Variants in ERBB4 observed in about 807,000 individuals in gnomAD.
The protein encoded by ERBB4 is erb-b2 receptor tyrosine kinase 4.
In ERBB4, 42 loss-of-function variants were observed where a neutral mutation model predicts 158.0. That is an observed-to-expected ratio of 0.27 (90% CI 0.21 to 0.34). The LOEUF is 0.34. ERBB4 is among the 10% of genes least tolerant of loss of function. The pLI, the probability that ERBB4 is intolerant of heterozygous loss-of-function variation, is 1.00. For missense variants in ERBB4, 1,333 were observed against 1,624.1 expected, an observed-to-expected ratio of 0.82 and a Z score of 3.08; for synonymous variants, 583 against 558.7, an observed-to-expected ratio of 1.04 and a Z score of -0.61.
At chr2:212,115,991 T>C (rs2079560037) in intron 2 of ERBB4, among the ~76,000 whole-genome samples, 1 of 152,122 alleles carries the variant, frequency 6.6e-6, no homozygotes, top group Non-Finnish European at 1.5e-5. Flanking sequence ...GGAAACTGCT[T>C]TGCAATTAGG....
Position 211,612,581 on chromosome 2 carries a change from T to A in ERBB4, c.2301+6596A>T, listed in dbSNP as rs146505877. 4.6e-5 allele frequency among the ~76,000 whole-genome samples: 7 copies of A among 152,146 alleles called. No homozygotes were observed. The East Asian group carries it at 1.4e-3, about 29-fold the overall frequency. ...GAAAACTCCAGGTGAAGGCACTGAC[T>A]GGCTTGGCTTATAAGGGGAGTGGAA... On this transcript the variant is annotated intron_variant, in intron 19 of 27. Transcript: ENST00000342788.
At chr2:211,986,096 G>A (rs1159506929) in intron 2 of ERBB4, among the ~76,000 whole-genome samples, 1 of 152,310 alleles carries the variant, frequency 6.6e-6, no homozygotes, top group East Asian at 1.9e-4. Context: ...TGGAGGCAGA[G>A]GCTGAGTGGT....
intron 12 of ERBB4, among the ~76,000 whole-genome samples, chr2:211,699,916 AT>A (rs1352509546): frequency 6.6e-6 from 1 of 151,956 alleles, no homozygotes; most frequent in African/African-American, 2.4e-5. Flanking sequence ...CCCTACATTT[AT>A]TTTTTTGCAT....
intron 9 of ERBB4, among the ~76,000 whole-genome samples, chr2:211,708,301 A>G (rs973225829): frequency 1.3e-5 from 2 of 152,120 alleles, no homozygotes; most frequent in African/African-American, 4.8e-5. Flanking sequence ...TTTGTCCTGG[A>G]AAATACCTTA....
chr2:211,519,506 C>A (rs6740117), intron 20 of ERBB4, among the ~76,000 whole-genome samples: 1 of 151,788 alleles, frequency 6.6e-6, no homozygotes, highest in Non-Finnish European at 1.5e-5. Context: ...CAGATCCAGA[C>A]GAGTTACTGG....
At chr2:211,581,752 C>G (rs2068111156) in intron 19 of ERBB4, among the ~76,000 whole-genome samples, 1 of 152,238 alleles carries the variant, frequency 6.6e-6, no homozygotes, top group African/African-American at 2.4e-5. Context: ...TGGCTCACAC[C>G]TGTATTCCCA....
chr2:211,914,137 A>G (rs957999478), intron 3 of ERBB4, among the ~76,000 whole-genome samples: 1 of 151,770 alleles, frequency 6.6e-6, no homozygotes, highest in East Asian at 1.9e-4. Flanking sequence ...AATAAACATG[A>G]GCAGTACACC....
chr2:212,012,386 C>T (rs539701011), intron 2 of ERBB4, among the ~76,000 whole-genome samples: 24 of 150,964 alleles, frequency 1.6e-4, no homozygotes, highest in Non-Finnish European at 2.5e-4. Flanking sequence ...TGTTTCTAAG[C>T]CTTTTCAGTG....
At chr2:212,085,667 T>G (rs1202538656) in intron 2 of ERBB4, among the ~76,000 whole-genome samples, 1 of 151,934 alleles carries the variant, frequency 6.6e-6, no homozygotes, top group Non-Finnish European at 1.5e-5. Context: ...CTTTGAGAGT[T>G]GAGACTCTTT....
intron 1 of ERBB4, among the ~76,000 whole-genome samples, chr2:212,482,847 C>T (rs1689773667): frequency 6.6e-6 from 1 of 152,224 alleles, no homozygotes; most frequent in Non-Finnish European, 1.5e-5. Context: ...TGGCCTCGAT[C>T]TCCTGACCTA....
chr2:211,884,849 G>A (rs1420896387), intron 3 of ERBB4, among the ~76,000 whole-genome samples: 1 of 151,768 alleles, frequency 6.6e-6, no homozygotes, highest in Non-Finnish European at 1.5e-5. Flanking sequence ...TCTTTTTTTG[G>A]CTATGTTGAG....
At chr2:212,204,726 T>C (rs1416700030) in intron 1 of ERBB4, among the ~76,000 whole-genome samples, 2 of 151,056 alleles carry the variant, frequency 1.3e-5, no homozygotes, top group Non-Finnish European at 2.9e-5. Flanking sequence ...AAAAACAGTA[T>C]TTATGATTGT....
intron 1 of ERBB4, among the ~76,000 whole-genome samples, chr2:212,259,415 T>C (rs1460088922): frequency 6.6e-6 from 1 of 152,156 alleles, no homozygotes; most frequent in Admixed American, 6.5e-5. Flanking sequence ...AAAGCAACAC[T>C]TGTTTAAACA....
chr2:212,208,632 T>C (rs2082838736), intron 1 of ERBB4, among the ~76,000 whole-genome samples: 2 of 152,144 alleles, frequency 1.3e-5, no homozygotes, highest in Admixed American at 1.3e-4. Context: ...AGGATGTTAA[T>C]AGGTGGTTAG....
chr2:212,377,302 C>G (rs2090358015), intron 1 of ERBB4, among the ~76,000 whole-genome samples: 1 of 150,256 alleles, frequency 6.7e-6, no homozygotes, highest in South Asian at 2.1e-4. Flanking sequence ...CACACACATA[C>G]TCATGCACAG....
chr2:211,744,192 C>T (rs1242788122), intron 5 of ERBB4, among the ~76,000 whole-genome samples: 1 of 152,038 alleles, frequency 6.6e-6, no homozygotes, highest in Admixed American at 6.6e-5. Context: ...TAATTAAATG[C>T]TATGGAGGAA....
At chr2:212,023,516 T>G in intron 2 of ERBB4, among the ~76,000 whole-genome samples, 1 of 142,314 alleles carries the variant, frequency 7.0e-6, no homozygotes, top group African/African-American at 2.8e-5. Context: ...ACAAGTTAAT[T>G]TTTTAAAAAA....
intron 20 of ERBB4, among the ~76,000 whole-genome samples, chr2:211,541,622 C>G (rs998344634): frequency 6.6e-6 from 1 of 152,024 alleles, no homozygotes; most frequent in Non-Finnish European, 1.5e-5. Flanking sequence ...TACAGGTGTT[C>G]TTCTTCATCA....
Position 212,040,694 on chromosome 2 carries a change from G to A in ERBB4, c.234+84058C>T, listed in dbSNP as rs560746680. On this transcript the variant is annotated intron_variant, in intron 2 of 27. Coordinates refer to ENST00000342788, the MANE Select transcript of ERBB4 (RefSeq NM_005235.3). ...CATTTGGGATATTCATGTACACTGA[G>A]TAGTACAACTTAATGAGCTTCTCTG... 5.9e-5 allele frequency among the ~76,000 whole-genome samples: 9 copies of A among 152,192 alleles called. No individual in the cohort carries two copies. The East Asian group carries it at 1.7e-3, about 29-fold the overall frequency.
Sources: allele counts gnomAD v4.1 joint callset (sites outside exome capture counted in the v4.1 genomes callset), GRCh38; gene constraint gnomAD v4.1.1; transcripts MANE v1.5; gene names NCBI Gene and HGNC (gene_info 2026-07-23, HGNC 2026-07-21).